Variants in CIRSR observed in about 807,000 individuals in gnomAD.
CIRSR encodes corepressor of RBPJ and splicing regulator, also known as CBF1 (RBPJ) interacting corepressor 1.
At chr2:174,378,877 T>C in the CIRSR span, 2 of 1,347,832 alleles carry the variant, frequency 1.5e-6, no homozygotes, top group Non-Finnish European at 1.1e-6. Flanking sequence ...TTGTTTTATC[T>C]TTCCTTGTTT....
At chr2:174,387,572 A>C in the CIRSR span, 1 of 1,166,330 alleles carries the variant, frequency 8.6e-7, no homozygotes, top group East Asian at 2.8e-5. Flanking sequence ...AAAGACACGA[A>C]TCCTATAATT....
At chr2:174,348,538 G>A in the CIRSR span, 1 of 1,613,994 alleles carries the variant, frequency 6.2e-7, no homozygotes, top group South Asian at 1.1e-5. Flanking sequence ...CCTCCTGGGT[G>A]CTCTCTGTAC....
At chr2:174,395,632 G>A in the CIRSR span, 1 of 1,614,186 alleles carries the variant, frequency 6.2e-7, no homozygotes, top group South Asian at 1.1e-5. Context: ...TCTTGGAACT[G>A]GAACTAGGGA....
At chr2:174,349,333 A>G in the CIRSR span, among the ~76,000 whole-genome samples, 1 of 151,988 alleles carries the variant, frequency 6.6e-6, no homozygotes, top group African/African-American at 2.4e-5. Context: ...TTGGGAGGCC[A>G]CGGCGGGCGG....
the CIRSR span, among the ~76,000 whole-genome samples, chr2:174,385,684 C>T: frequency 6.6e-6 from 1 of 151,592 alleles, no homozygotes; most frequent in Non-Finnish European, 1.5e-5. Context: ...GCCAATCTAA[C>T]AGAGCTCTCA....
chr2:174,352,944 C>T, the CIRSR span, among the ~76,000 whole-genome samples: 1 of 152,054 alleles, frequency 6.6e-6, no homozygotes, highest in South Asian at 2.1e-4. Flanking sequence ...GGTCTTTTAC[C>T]ACTTATTTGC....
chr2:174,393,405 C>A, the CIRSR span, among the ~76,000 whole-genome samples: 1,216 of 152,180 alleles, frequency 8.0e-3, 19 homozygotes, highest in African/African-American at 0.028. Context: ...GACCTTAAAA[C>A]CTACTGGACT....
At chr2:174,385,347 G>A in the CIRSR span, among the ~76,000 whole-genome samples, 2 of 151,484 alleles carry the variant, frequency 1.3e-5, no homozygotes, top group Non-Finnish European at 2.9e-5. Flanking sequence ...ATAGATTACT[G>A]AAGAATGAAA....
chr2:174,373,749 T>TGTC, the CIRSR span, among the ~76,000 whole-genome samples: 1 of 150,234 alleles, frequency 6.7e-6, no homozygotes, highest in Admixed American at 6.6e-5. Context: ...ATGTTGAAAA[T>TGTC]GTCTTCCCTC....
the CIRSR span, among the ~76,000 whole-genome samples, chr2:174,388,973 G>A: frequency 6.6e-6 from 1 of 152,194 alleles, no homozygotes; most frequent in East Asian, 1.9e-4. Flanking sequence ...ATGTGAGGAA[G>A]GACATGTTTG....
At chr2:174,370,076 G>A in the CIRSR span, 10 of 1,344,382 alleles carry the variant, frequency 7.4e-6, no homozygotes, top group African/African-American at 8.9e-5. Context: ...GAGTTTCAGG[G>A]CTGGTTCATC....
the CIRSR span, chr2:174,380,575 A>C: frequency 7.4e-7 from 1 of 1,345,466 alleles, no homozygotes; most frequent in Non-Finnish European, 1.0e-6. Context: ...TGATTGAAAA[A>C]GCAACATAAG....
At chr2:174,353,756 G>A in the CIRSR span, among the ~76,000 whole-genome samples, 1 of 152,120 alleles carries the variant, frequency 6.6e-6, no homozygotes, top group South Asian at 2.1e-4. Flanking sequence ...GTGAGCCACC[G>A]CGCCCGGCTC....
chr2:174,379,318 G>C, the CIRSR span, among the ~76,000 whole-genome samples: 1 of 152,122 alleles, frequency 6.6e-6, no homozygotes. Context: ...AAAAGAATTA[G>C]GGCGTTATGT....
the CIRSR span, among the ~76,000 whole-genome samples, chr2:174,352,134 T>C: frequency 6.6e-6 from 1 of 152,198 alleles, no homozygotes; most frequent in Non-Finnish European, 1.5e-5. Flanking sequence ...ATCATCCTTA[T>C]TTCCAATTCA....
At chr2:174,372,312 A>G in the CIRSR span, among the ~76,000 whole-genome samples, 2 of 152,204 alleles carry the variant, frequency 1.3e-5, no homozygotes, top group East Asian at 3.8e-4. Context: ...TAAAAGTCGC[A>G]AGTAATCCTA....
chr2:174,353,639 C>T, the CIRSR span, among the ~76,000 whole-genome samples: 3 of 152,002 alleles, frequency 2.0e-5, no homozygotes, highest in Non-Finnish European at 2.9e-5. Context: ...GGCTAATTTT[C>T]GTATTTGTAG....
the CIRSR span, among the ~76,000 whole-genome samples, chr2:174,354,556 TA>T: frequency 9.8e-5 from 3 of 30,694 alleles, no homozygotes; most frequent in African/African-American, 2.4e-4. Flanking sequence ...TTATATTATA[TA>T]TATTTTATAT....
chr2:174,351,725 CCT>C, the CIRSR span: 10 of 1,609,078 alleles, frequency 6.2e-6, no homozygotes, highest in Non-Finnish European at 8.5e-6. Flanking sequence ...CATCGATGGC[CCT>C]GTTCACAAAA....
Sources: gnomAD v4.1 joint callset for allele counts (sites outside exome capture counted in the v4.1 genomes callset) on GRCh38, gnomAD v4.1.1 for gene constraint, MANE v1.5 for transcripts, NCBI Gene and HGNC (gene_info 2026-07-23, HGNC 2026-07-21) for gene names.